The following ZNF385D variants were observed in gnomAD, a reference collection of about 807,000 sequenced individuals.
ZNF385D encodes the protein zinc finger protein 385D.
A neutral mutation model predicts 35.8 loss-of-function variants in ZNF385D; 15 were observed. The observed-to-expected ratio is 0.42, with a 90% CI of 0.28 to 0.64. ZNF385D has a LOEUF of 0.64. ZNF385D is among the 30% of genes least tolerant of loss of function. ZNF385D has a pLI of 0.23. For missense variants in ZNF385D, 474 were observed against 494.6 expected (o/e 0.96, Z 0.39); for synonymous variants, 212 against 186.8 (o/e 1.13, Z -1.10).
At chr3:21,632,853 T>C (rs537428046) in intron 2 of ZNF385D, among the ~76,000 whole-genome samples, 14 of 152,248 alleles carry the variant, frequency 9.2e-5, no homozygotes, top group African/African-American at 3.4e-4. Context: ...TCCTGAGAAA[T>C]TATTTTTCAT....
intron 2 of ZNF385D, among the ~76,000 whole-genome samples, chr3:22,200,099 C>T (rs557838012): frequency 3.9e-5 from 6 of 152,158 alleles, no homozygotes; most frequent in African/African-American, 1.4e-4. Flanking sequence ...ATAGGAACAT[C>T]CAGAATCCTT....
At chr3:21,901,897 G>A (rs761488487) in intron 3 of ZNF385D, among the ~76,000 whole-genome samples, 2 of 152,256 alleles carry the variant, frequency 1.3e-5, no homozygotes, top group Admixed American at 6.5e-5. Flanking sequence ...ACAGAAGAGC[G>A]TTCAGTCTAG....
intron 1 of ZNF385D, among the ~76,000 whole-genome samples, chr3:21,746,803 G>T (rs2069792344): frequency 6.6e-6 from 1 of 152,124 alleles, no homozygotes; most frequent in Non-Finnish European, 1.5e-5. Flanking sequence ...GTTTTTCTCT[G>T]CTGCCTGCTG....
At chr3:22,196,612 T>C (rs556219738) in intron 2 of ZNF385D, among the ~76,000 whole-genome samples, 2 of 152,062 alleles carry the variant, frequency 1.3e-5, no homozygotes, top group Admixed American at 1.3e-4. Context: ...CCTCTACTTA[T>C]TAGAGTCCAT....
chr3:21,651,046 G>A (rs1426356323), intron 2 of ZNF385D, among the ~76,000 whole-genome samples: 1 of 151,828 alleles, frequency 6.6e-6, no homozygotes, highest in African/African-American at 2.4e-5. Context: ...TTGGGAGGCT[G>A]AGGCGGGCAG....
chr3:21,773,687 T>C (rs2071171898), intron 3 of ZNF385D, among the ~76,000 whole-genome samples: 1 of 151,702 alleles, frequency 6.6e-6, no homozygotes, highest in Non-Finnish European at 1.5e-5. Flanking sequence ...CCATCCCTGA[T>C]CATTAGAGAA....
chr3:21,892,908 A>G (rs944961922), intron 3 of ZNF385D, among the ~76,000 whole-genome samples: 1 of 152,206 alleles, frequency 6.6e-6, no homozygotes, highest in African/African-American at 2.4e-5. Flanking sequence ...AGAATGTCAG[A>G]GTAAGTGACA....
intron 2 of ZNF385D, among the ~76,000 whole-genome samples, chr3:22,349,518 C>T (rs1307650339): frequency 6.6e-6 from 1 of 152,154 alleles, no homozygotes; most frequent in Non-Finnish European, 1.5e-5. Flanking sequence ...TGAACATTTA[C>T]TCTTCAAGAA....
chr3:22,276,797 A>C (rs1701453069), intron 2 of ZNF385D, among the ~76,000 whole-genome samples: 1 of 152,150 alleles, frequency 6.6e-6, no homozygotes, highest in Non-Finnish European at 1.5e-5. Flanking sequence ...TATCAGTGTG[A>C]GGATGTCTAG....
chr3:21,552,282 G>A (rs937367852), intron 3 of ZNF385D, among the ~76,000 whole-genome samples: 1 of 152,012 alleles, frequency 6.6e-6, no homozygotes, highest in African/African-American at 2.4e-5. Context: ...TCTTACATAT[G>A]GATCAATTGA....
chr3:21,731,756 G>A (rs1054723679), intron 1 of ZNF385D, among the ~76,000 whole-genome samples: 1 of 152,126 alleles, frequency 6.6e-6, no homozygotes, highest in Non-Finnish European at 1.5e-5. Context: ...AACCCACACA[G>A]TTCAAACTCA....
At chr3:22,127,315 T>C (rs1246364053) in intron 3 of ZNF385D, among the ~76,000 whole-genome samples, 1 of 137,800 alleles carries the variant, frequency 7.3e-6, no homozygotes, top group Non-Finnish European at 1.5e-5. Context: ...TTTCATTTCC[T>C]GCTTTTTTTT....
chr3:21,819,981 G>T, intron 3 of ZNF385D, among the ~76,000 whole-genome samples: 1 of 150,202 alleles, frequency 6.7e-6, no homozygotes. Context: ...TAACTACAGG[G>T]AGAAATCAAT....
chr3:22,210,235 C>T (rs570181994), intron 2 of ZNF385D, among the ~76,000 whole-genome samples: 1 of 151,918 alleles, frequency 6.6e-6, no homozygotes, highest in South Asian at 2.1e-4. Context: ...AAATGTTAAA[C>T]ACATATCATT....
chr3:21,872,283 C>T (rs1697736271), intron 3 of ZNF385D, among the ~76,000 whole-genome samples: 1 of 152,110 alleles, frequency 6.6e-6, no homozygotes, highest in South Asian at 2.1e-4. Flanking sequence ...TCCATTTGAG[C>T]ATGTTTGAAG....
intron 2 of ZNF385D, among the ~76,000 whole-genome samples, chr3:22,186,430 T>C (rs190898893): frequency 6.2e-4 from 94 of 152,282 alleles, no homozygotes; most frequent in African/African-American, 2.2e-3. Context: ...TAAAGCACTC[T>C]TCAGTGGAGA....
intron 3 of ZNF385D, among the ~76,000 whole-genome samples, chr3:21,854,311 A>G (rs1696584921): frequency 6.6e-6 from 1 of 151,984 alleles, no homozygotes; most frequent in African/African-American, 2.4e-5. Flanking sequence ...CCACTTATTT[A>G]CATCCTATTC....
chr3:22,107,162 T>C (rs1234662471), intron 3 of ZNF385D, among the ~76,000 whole-genome samples: 1 of 151,876 alleles, frequency 6.6e-6, no homozygotes, highest in Non-Finnish European at 1.5e-5. Flanking sequence ...TAGCTGGGAT[T>C]ACAGGCATGT....
At chr3:21,524,323 A>G (rs1241018167) in intron 3 of ZNF385D, among the ~76,000 whole-genome samples, 2 of 152,226 alleles carry the variant, frequency 1.3e-5, no homozygotes, top group South Asian at 2.1e-4. Context: ...ACAAACAAAA[A>G]GAATTTTCCT....
Sources: allele counts gnomAD v4.1 joint callset (sites outside exome capture counted in the v4.1 genomes callset), GRCh38; gene constraint gnomAD v4.1.1; transcripts MANE v1.5; gene names NCBI Gene and HGNC (gene_info 2026-07-23, HGNC 2026-07-21).